The following LAMA2 variants were observed in gnomAD, a reference collection of about 807,000 sequenced individuals.
LAMA2 encodes the protein laminin subunit alpha 2.
Under a neutral mutation model 364.8 loss-of-function variants are expected in LAMA2, and 269 were observed. The ratio of observed to expected loss-of-function variants is 0.74; its 90% confidence interval spans 0.67 to 0.82. The LOEUF is 0.82. Ranked by LOEUF, LAMA2 falls within the 40% of genes least tolerant of loss-of-function variation. The probability of loss-of-function intolerance (pLI) is 0.00; values close to 1 mark genes in which losing one functional copy is unlikely to be tolerated. For missense variants in LAMA2, 3,807 were observed against 3,873.2 expected, an observed-to-expected ratio of 0.98 and a Z score of 0.45; for synonymous variants, 1,379 against 1,370.6, an observed-to-expected ratio of 1.01 and a Z score of -0.14.
intron 18 of LAMA2, among the ~76,000 whole-genome samples, chr6:129,281,223 C>CTG (rs914077965): frequency 1.3e-5 from 2 of 151,826 alleles, no homozygotes; most frequent in Non-Finnish European, 2.9e-5. Context: ...GTGTGTGTGT[C>CTG]TGTGTGTGTG....
intron 56 of LAMA2, among the ~76,000 whole-genome samples, 156 bp downstream of exon 56, chr6:129,486,778 A>G (rs978062926): frequency 2.6e-5 from 4 of 152,168 alleles, no homozygotes; most frequent in Admixed American, 2.6e-4. Flanking sequence ...TTTACTTTTC[A>G]TACTTCGGGA....
At chr6:129,498,639 C>T (rs78163524) in intron 58 of LAMA2, among the ~76,000 whole-genome samples, 1 of 152,220 alleles carries the variant, frequency 6.6e-6, no homozygotes, top group East Asian at 1.9e-4. Flanking sequence ...AAATAAGCAC[C>T]AGATGTGATT....
At chr6:129,069,891 ATG>A (rs1346050298) in intron 3 of LAMA2, among the ~76,000 whole-genome samples, 2 of 150,484 alleles carry the variant, frequency 1.3e-5, no homozygotes, top group African/African-American at 4.9e-5. Context: ...ATGTATTTAT[ATG>A]TACCTATATA....
intron 61 of LAMA2, 103 bp from the exon 62 acceptor site, chr6:129,507,386 T>C: frequency 8.1e-7 from 1 of 1,238,832 alleles, no homozygotes; most frequent in South Asian, 1.2e-5. Context: ...CTAAGACAAC[T>C]GGATAACTAC....
At chr6:129,275,192 G>A (rs1788217586) in intron 17 of LAMA2, among the ~76,000 whole-genome samples, 1 of 151,922 alleles carries the variant, frequency 6.6e-6, no homozygotes, top group Non-Finnish European at 1.5e-5. Flanking sequence ...GTAAATTTAA[G>A]GAAACAATCA....
chr6:128,943,278 AGAGAGAG>A (rs1780277439), intron 1 of LAMA2, among the ~76,000 whole-genome samples: 1 of 24,032 alleles, frequency 4.2e-5, no homozygotes, highest in South Asian at 2.6e-3. Context: ...ACAGAGAGAG[AGAGAGAG>A]AGAGAGAGAG....
chr6:129,112,370 G>T (rs1474436739), intron 4 of LAMA2, among the ~76,000 whole-genome samples: 1 of 151,790 alleles, frequency 6.6e-6, no homozygotes, highest in Non-Finnish European at 1.5e-5. Flanking sequence ...CTCATAGAAA[G>T]ATAAACTTTT....
chr6:129,081,812 A>G (rs952007951), intron 3 of LAMA2, among the ~76,000 whole-genome samples: 1 of 152,196 alleles, frequency 6.6e-6, no homozygotes, highest in Non-Finnish European at 1.5e-5. Context: ...AATGAATTCA[A>G]TACTCCAAAT....
chr6:129,482,926 G>T (rs1316910952), intron 55 of LAMA2, among the ~76,000 whole-genome samples: 1 of 151,966 alleles, frequency 6.6e-6, no homozygotes, highest in Admixed American at 6.5e-5. Flanking sequence ...AATTAGCCAG[G>T]CATGGTAGCA....
intron 1 of LAMA2, among the ~76,000 whole-genome samples, chr6:129,015,776 G>A (rs1270452310): frequency 2.0e-5 from 3 of 151,826 alleles, no homozygotes; most frequent in African/African-American, 7.3e-5. Flanking sequence ...TGCATCTTAG[G>A]TTTGCTTAGT....
intron 40 of LAMA2, among the ~76,000 whole-genome samples, chr6:129,409,127 AGG>A (rs907289045): frequency 4.6e-5 from 7 of 152,206 alleles, no homozygotes; most frequent in African/African-American, 1.7e-4. Flanking sequence ...GTGCACAACC[AGG>A]TGCCCTGCTC....
intron 22 of LAMA2, among the ~76,000 whole-genome samples, chr6:129,308,995 A>T (rs1307522796): frequency 6.6e-6 from 1 of 152,200 alleles, no homozygotes; most frequent in Non-Finnish European, 1.5e-5. Flanking sequence ...AACACTGGGG[A>T]TTATATTTTA....
intron 12 of LAMA2, among the ~76,000 whole-genome samples, chr6:129,240,494 C>A (rs1785325348): frequency 6.6e-6 from 1 of 152,118 alleles, no homozygotes; most frequent in South Asian, 2.1e-4. Context: ...TTTCCTAAGT[C>A]TTCTCTTTTT....
intron 1 of LAMA2, among the ~76,000 whole-genome samples, chr6:128,892,567 A>G (rs1312598098): frequency 1.3e-5 from 2 of 152,022 alleles, no homozygotes; most frequent in Non-Finnish European, 2.9e-5. Flanking sequence ...TCTATGAAGT[A>G]TATGTTTTCA....
intron 49 of LAMA2, among the ~76,000 whole-genome samples, chr6:129,462,500 T>C (rs9375631): frequency 0.18 from 27,590 of 151,884 alleles, 2,770 homozygotes; most frequent in African/African-American, 0.26. Flanking sequence ...CTTATACCCC[T>C]TGTCATCAAA....
At position 129,315,877 on chromosome 6, in the gene LAMA2, C is replaced by T; in HGVS notation, c.3851C>T (p.Ala1284Val). Reference protein sequence around the residue: ...VIIRGGTPTHARIIVRHMAAP... With the variant: ...VIIRGGTPTHVRIIVRHMAAP... ...ATTCGAGGTGGGACACCTACTCATG[C>T]TAGAATTATCGTCAGGCATATGGCT... Residue 1284 changes from alanine to valine, a missense_variant, in exon 26 of 65, where the codon GCT becomes GTT. By Grantham distance (64) the Ala-to-Val change is moderately conservative (BLOSUM62 0). Transcript: ENST00000421865. 6.2e-7 allele frequency: 1 copy of T among 1,614,058 alleles called. No homozygotes were observed. The highest frequency in any genetic ancestry group is 8.5e-7 in the Non-Finnish European group (1 of 1,179,994).
At position 129,229,440 on chromosome 6, in the gene LAMA2, A is replaced by T. The variant is rs1216037227; in HGVS notation, c.1783-20672A>T. Reference sequence around the variant, plus strand: ...TGGGGTAAGAGTGGGGAAGAGTTGAAGGATATGGGGAAGGGGAAAATATCG... The same window carrying T: ...TGGGGTAAGAGTGGGGAAGAGTTGATGGATATGGGGAAGGGGAAAATATCG... On this transcript the variant is annotated intron_variant, in intron 12 of 64. Coordinates refer to ENST00000421865, the MANE Select transcript of LAMA2 (RefSeq NM_000426.4). Among the ~76,000 whole-genome samples the T allele has an allele frequency of 2.0e-5, 3 of 152,108 alleles. No individual in the cohort carries two copies. In the East Asian group the frequency reaches 5.8e-4, roughly 29 times the overall value.
chr6:129,453,012 G>A lies in LAMA2; in HGVS notation c.6454G>A (p.Gly2152Ser). ...NSIKVSVSSGGDCIRTYKPEI... is the reference protein window; with the variant it reads ...NSIKVSVSSGSDCIRTYKPEI... ...GATCAAAGTATCTGTGTCTTCAGGA[G>A]GTGACTGCATTCGAACATACAAACC... is the stretch of plus-strand genomic sequence containing the variant. The change falls in exon 46 of 65, where the codon GGT (glycine) becomes AGT (serine). Residue 2152 changes from glycine (G) to serine (S), a missense_variant. Gly to Ser is a moderately conservative substitution (Grantham distance 56). This residue lies in a region of LAMA2 where 3,333 missense variants were observed against 3,345.7 expected (regional missense o/e 1.00). Coordinates refer to ENST00000421865, the MANE Select transcript of LAMA2 (RefSeq NM_000426.4). 6.2e-7 allele frequency: 1 copy of A among 1,612,674 alleles called. No individual in the cohort carries two copies. The highest frequency in any genetic ancestry group is 8.5e-7 in the Non-Finnish European group (1 of 1,179,242).
At chr6:129,004,655 T>G (rs1326226414) in intron 1 of LAMA2, among the ~76,000 whole-genome samples, 1 of 152,174 alleles carries the variant, frequency 6.6e-6, no homozygotes, top group Non-Finnish European at 1.5e-5. Context: ...ACTCAATTCC[T>G]TACTTTGACT....
Sources: allele counts gnomAD v4.1 joint callset (sites outside exome capture counted in the v4.1 genomes callset), GRCh38; gene constraint gnomAD v4.1.1; regional missense constraint gnomAD v4.1.1; transcripts MANE v1.5; gene names NCBI Gene and HGNC (gene_info 2026-07-23, HGNC 2026-07-21).